The following LRP1B variants were observed in gnomAD, a reference collection of about 807,000 sequenced individuals.
LRP1B encodes the protein low-density lipoprotein receptor-related protein 1B.
A neutral mutation model predicts 556.6 loss-of-function variants in LRP1B; 217 were observed. That is an observed-to-expected ratio of 0.39 (90% confidence interval 0.35 to 0.44). The LOEUF (loss-of-function observed/expected upper bound fraction) is 0.44, where lower values mean the gene tolerates loss of function less well. LRP1B is among the 20% of genes least tolerant of loss of function. The pLI, the probability that LRP1B is intolerant of heterozygous loss-of-function variation, is 1.00. For synonymous variants in LRP1B, 2,047 were observed against 1,865.8 expected (o/e 1.10, Z -2.50); for missense variants, 5,053 against 5,620.8 (o/e 0.90, Z 3.23).
rs200577755 is a variant in LRP1B at position 140,650,129 on chromosome 2, C to T, written c.6800-48490G>A. Reference sequence around the variant, plus strand: ...TTTCTTAGTGCAAATATAAAGTTTTCCCAAAATAATGTATTGGCAAACAAA... The same window carrying T: ...TTTCTTAGTGCAAATATAAAGTTTTTCCAAAATAATGTATTGGCAAACAAA... On this transcript the variant is annotated intron_variant, in intron 41 of 90. Coordinates refer to ENST00000389484, the MANE Select transcript of LRP1B (RefSeq NM_018557.3). Among the ~76,000 whole-genome samples the T allele has an allele frequency of 8.2e-4, 125 of 151,624 alleles. 2 individuals are homozygous for T. The East Asian group carries it at 0.015, about 18-fold the overall frequency.
At chr2:140,601,418 T>C (rs1381864085) in intron 42 of LRP1B, 32 bp downstream of exon 42, 2 of 1,485,856 alleles carry the variant, frequency 1.3e-6, no homozygotes, top group Middle Eastern at 1.8e-4. Context: ...CTTATAACTA[T>C]AATGAAGAAA....
chr2:140,893,174 A>G (rs1009694221), intron 23 of LRP1B, among the ~76,000 whole-genome samples: 1 of 152,208 alleles, frequency 6.6e-6, no homozygotes, highest in African/African-American at 2.4e-5. Flanking sequence ...AGATAAAGAG[A>G]GGAAGAGAGA....
intron 31 of LRP1B, among the ~76,000 whole-genome samples, chr2:140,816,402 C>G (rs1052006620): frequency 1.3e-5 from 2 of 152,150 alleles, no homozygotes; most frequent in Non-Finnish European, 2.9e-5. Flanking sequence ...AGGCATGAAC[C>G]ACAGCACCTG....
intron 1 of LRP1B, among the ~76,000 whole-genome samples, chr2:141,905,991 GAT>G (rs1491441443): frequency 4.6e-5 from 3 of 64,814 alleles, no homozygotes; most frequent in Non-Finnish European, 9.2e-5. Context: ...CTAGACAAGA[GAT>G]GTGTGTGTGT....
At chr2:140,767,054 C>G (rs1559106614) in intron 35 of LRP1B, among the ~76,000 whole-genome samples, 1 of 151,590 alleles carries the variant, frequency 6.6e-6, no homozygotes, top group East Asian at 1.9e-4. Flanking sequence ...TACCCAAGGT[C>G]ACAAAGCTAC....
intron 17 of LRP1B, among the ~76,000 whole-genome samples, chr2:140,982,852 T>C (rs1696811326): frequency 1.6e-5 from 2 of 123,688 alleles, no homozygotes; most frequent in Admixed American, 1.6e-4. Context: ...ACATTTGGCC[T>C]TAAGGTGTTT....
chr2:140,604,864 T>C (rs973326551), intron 41 of LRP1B, among the ~76,000 whole-genome samples: 4 of 151,778 alleles, frequency 2.6e-5, no homozygotes, highest in African/African-American at 9.7e-5. Context: ...AATGATTTTA[T>C]AAAGAGCAGT....
At chr2:141,776,822 A>C (rs1227178601) in intron 2 of LRP1B, among the ~76,000 whole-genome samples, 1 of 152,196 alleles carries the variant, frequency 6.6e-6, no homozygotes, top group Non-Finnish European at 1.5e-5. Context: ...ATAAGACCTA[A>C]TCAATGATAA....
At chr2:140,313,914 C>T (rs1684411231) in intron 83 of LRP1B, among the ~76,000 whole-genome samples, 2 of 151,792 alleles carry the variant, frequency 1.3e-5, no homozygotes, top group African/African-American at 4.8e-5. Context: ...AGAATAATTT[C>T]ATTATGAATT....
intron 43 of LRP1B, among the ~76,000 whole-genome samples, chr2:140,555,579 C>T (rs1195548418): frequency 2.0e-5 from 3 of 151,890 alleles, no homozygotes; most frequent in African/African-American, 7.2e-5. Context: ...AATATTCTTG[C>T]CTGAATATTG....
At chr2:141,323,232 A>C (rs532494124) in intron 3 of LRP1B, among the ~76,000 whole-genome samples, 1 of 152,182 alleles carries the variant, frequency 6.6e-6, no homozygotes, top group Admixed American at 6.6e-5. Context: ...AAAACTGATA[A>C]ATTTACGTAG....
chr2:141,544,696 C>T (rs1018802196), intron 2 of LRP1B, among the ~76,000 whole-genome samples: 5 of 151,898 alleles, frequency 3.3e-5, no homozygotes, highest in African/African-American at 7.3e-5. Flanking sequence ...GACAGGGTCT[C>T]ACGTTGTCAC....
intron 27 of LRP1B, among the ~76,000 whole-genome samples, chr2:140,862,075 A>G (rs918997941): frequency 6.6e-6 from 1 of 152,196 alleles, no homozygotes; most frequent in Non-Finnish European, 1.5e-5. Context: ...CAATTGAATA[A>G]CTATGAAAGT....
In LRP1B at chr2:141,599,053, GCCCCCCCCCCCCC is replaced by G. The variant is rs1687634272; in HGVS notation, c.206-118533_206-118521del. The stretch of plus-strand genomic sequence containing the variant: ...CTTTTATTTTGTTCAACTCCCCCCC[GCCCCCCCCCCCCC>G]CCCCCCCCGCTTTAACTCTCCTGTC... On this transcript the variant is annotated intron_variant, in intron 2 of 90. Transcript: ENST00000389484. 8.0e-4 allele frequency among the ~76,000 whole-genome samples: 8 copies of G among 10,030 alleles called. No individual in the cohort carries two copies. In the South Asian group the frequency reaches 0.024, roughly 30 times the overall value. The allele number at this position is 10,030 out of a possible 152,430, so 6.6% of individuals were successfully genotyped here.
At chr2:141,713,655 C>T (rs1692459029) in intron 2 of LRP1B, among the ~76,000 whole-genome samples, 1 of 152,050 alleles carries the variant, frequency 6.6e-6, no homozygotes, top group Admixed American at 6.6e-5. Flanking sequence ...AGAATAAAGC[C>T]ACCCAAATAA....
At chr2:141,213,036 G>A (rs1682635625) in intron 6 of LRP1B, among the ~76,000 whole-genome samples, 1 of 151,908 alleles carries the variant, frequency 6.6e-6, no homozygotes, top group African/African-American at 2.4e-5. Flanking sequence ...GTTCAATCAT[G>A]GCTCACTGCA....
At chr2:141,256,438 G>A (rs985215106) in intron 3 of LRP1B, among the ~76,000 whole-genome samples, 11 of 151,916 alleles carry the variant, frequency 7.2e-5, no homozygotes, top group African/African-American at 2.4e-4. Flanking sequence ...ATTAATTCAC[G>A]GATTAAGTAG....
At chr2:140,996,816 T>C (rs1354228265) in intron 15 of LRP1B, among the ~76,000 whole-genome samples, 1 of 151,952 alleles carries the variant, frequency 6.6e-6, no homozygotes, top group African/African-American at 2.4e-5. Context: ...CAAAGGGATA[T>C]GTAGACAGAA....
At chr2:141,095,524 C>G (rs561811646) in intron 7 of LRP1B, among the ~76,000 whole-genome samples, 1 of 150,594 alleles carries the variant, frequency 6.6e-6, no homozygotes, top group African/African-American at 2.4e-5. Flanking sequence ...TCAAGGAATT[C>G]TGCTTGTGGT....
Sources: gnomAD v4.1 joint callset for allele counts (sites outside exome capture counted in the v4.1 genomes callset) on GRCh38, gnomAD v4.1.1 for gene constraint, MANE v1.5 for transcripts, NCBI Gene and HGNC (gene_info 2026-07-23, HGNC 2026-07-21) for gene names.